The following ANKRD11 variants were observed in gnomAD, a reference collection of about 807,000 sequenced individuals.
The protein encoded by ANKRD11 is ankyrin repeat domain 11, also known as ankyrin repeat domain-containing protein 11.
In ANKRD11, 17 loss-of-function variants were observed where a neutral mutation model predicts 195.7. The observed-to-expected ratio is 0.09, with a 90% CI of 0.06 to 0.13. The LOEUF (loss-of-function observed/expected upper bound fraction) is 0.13. Ranked by LOEUF, ANKRD11 falls within the 10% of genes least tolerant of loss-of-function variation. The pLI is 1.00. For synonymous variants in ANKRD11, 1,953 were observed against 1,528.1 expected, an observed-to-expected ratio of 1.28 and a Z score of -6.49; for missense variants, 3,735 against 3,566.1, an observed-to-expected ratio of 1.05 and a Z score of -1.21.
chr16:89,441,660 G>A (rs544051766), intron 1 of ANKRD11, among the ~76,000 whole-genome samples: 7 of 150,770 alleles, frequency 4.6e-5, no homozygotes, highest in East Asian at 3.9e-4. Flanking sequence ...CCAGCTACTC[G>A]GGAGGCTGAG....
chr16:89,279,581 C>G lies in ANKRD11; in HGVS notation c.6961G>C (p.Ala2321Pro). Residue 2321 changes from alanine to proline, a missense_variant, in exon 9 of 13, where the codon GCC becomes CCC. By Grantham distance (27) the Ala-to-Pro change is conservative. Coordinates refer to ENST00000301030, the MANE Select transcript of ANKRD11 (RefSeq NM_013275.6). The surrounding 1 kb of genome is among the most constrained non-coding windows in gnomAD (Gnocchi z 5.6). Reference sequence around the variant, plus strand: ...ACTCGGGGGGCCTTCGGGGCTTCGGCCGTGGGTTTTGGTTCTGCGGCTTCC... The same window carrying G: ...ACTCGGGGGGCCTTCGGGGCTTCGGGCGTGGGTTTTGGTTCTGCGGCTTCC... ...QPEAAEPKPT[A>P]EAPKAPRVEE... 1 of 1,452,748 alleles carries G rather than the reference C, an allele frequency of 6.9e-7. No individual in the cohort carries two copies. The highest frequency in any genetic ancestry group is 2.5e-5 in the East Asian group (1 of 40,714). 90.0% of individuals were successfully genotyped at this position (1,452,748 alleles called of 1,614,324 possible).
intron 1 of ANKRD11, among the ~76,000 whole-genome samples, chr16:89,430,045 C>T (rs569320892): frequency 6.7e-4 from 88 of 130,408 alleles, no homozygotes; most frequent in African/African-American, 2.5e-3. Context: ...CGTTCTAGTA[C>T]ACAGCAGGGA....
At chr16:89,273,281 T>G (rs894031758) in intron 11 of ANKRD11, among the ~76,000 whole-genome samples, 2 of 152,158 alleles carry the variant, frequency 1.3e-5, no homozygotes, top group Non-Finnish European at 2.9e-5. Context: ...GTCCTCCTCA[T>G]TTTTGCTCTG....
chr16:89,391,917 C>T (rs138926143), intron 2 of ANKRD11, among the ~76,000 whole-genome samples: 19 of 152,298 alleles, frequency 1.2e-4, no homozygotes, highest in African/African-American at 3.9e-4. Context: ...AAATATCTGC[C>T]CTGGCATGCT....
rs544370432 is a variant in ANKRD11 at position 89,332,513 on chromosome 16, G to C, written c.-59-15435C>G. Among the ~76,000 whole-genome samples the C allele has an allele frequency of 4.6e-5, 7 of 152,322 alleles. No individual in the cohort carries two copies. In the South Asian group the frequency reaches 6.2e-4, roughly 14 times the overall value. On this transcript the variant is annotated intron_variant, in intron 2 of 12. Transcript: ENST00000301030. The stretch of plus-strand genomic sequence containing the variant: ...AAGACAAATGCAAGAAAACAGCCTC[G>C]TCTGCTCACTGATTCTCACCAACTT...
At chr16:89,442,301 C>G (rs1278499336) in intron 1 of ANKRD11, among the ~76,000 whole-genome samples, 2 of 152,194 alleles carry the variant, frequency 1.3e-5, no homozygotes, top group African/African-American at 4.8e-5. Flanking sequence ...TAACTCTACA[C>G]TCTCAAAACA....
chr16:89,317,785 T>G lies in ANKRD11; in HGVS notation c.-59-707A>C, dbSNP rs573450029. ...TTTTATTTATTAATCATGTTTTATT[T>G]TAGGAAATTTTGCCATCTTAACAAG... is the stretch of plus-strand genomic sequence containing the variant. On this transcript the variant is annotated intron_variant, in intron 2 of 12. Transcript: ENST00000301030. Among the ~76,000 whole-genome samples the G allele has an allele frequency of 2.6e-5, 4 of 152,188 alleles. No individual in the cohort carries two copies. The East Asian group carries it at 7.7e-4, about 29-fold the overall frequency.
chr16:89,483,312 T>C (rs1474214960), intron 1 of ANKRD11, among the ~76,000 whole-genome samples: 1 of 152,234 alleles, frequency 6.6e-6, no homozygotes, highest in Non-Finnish European at 1.5e-5. Context: ...CATCATCTTC[T>C]TTTAAAAGCC....
intron 1 of ANKRD11, among the ~76,000 whole-genome samples, chr16:89,445,160 T>C (rs1026791534): frequency 1.3e-5 from 2 of 152,262 alleles, no homozygotes; most frequent in Non-Finnish European, 2.9e-5. Context: ...TGTTAACGGC[T>C]GATTTCTTCC....
chr16:89,354,992 A>C (rs1210122160), intron 2 of ANKRD11, among the ~76,000 whole-genome samples: 6 of 152,206 alleles, frequency 3.9e-5, no homozygotes, highest in Non-Finnish European at 4.4e-5. Context: ...GTCCCAGGAA[A>C]TGCACAGATT....
intron 3 of ANKRD11, among the ~76,000 whole-genome samples, chr16:89,314,117 G>C (rs1030793715): frequency 6.6e-6 from 1 of 152,176 alleles, no homozygotes; most frequent in African/African-American, 2.4e-5. Context: ...CCAGCTGCAA[G>C]GGAGGCTGAA....
intron 1 of ANKRD11, among the ~76,000 whole-genome samples, chr16:89,474,833 C>T (rs751611713): frequency 3.3e-5 from 5 of 152,232 alleles, no homozygotes; most frequent in Non-Finnish European, 5.9e-5. Context: ...CACTGCATAA[C>T]ATCCCAAAAC....
chr16:89,427,437 A>G (rs890945580), intron 1 of ANKRD11, among the ~76,000 whole-genome samples: 1 of 152,258 alleles, frequency 6.6e-6, no homozygotes, highest in Non-Finnish European at 1.5e-5. Context: ...AACCTCTTAC[A>G]TACTACAACT....
chr16:89,442,075 A>G (rs549823545), intron 1 of ANKRD11, among the ~76,000 whole-genome samples: 201 of 152,322 alleles, frequency 1.3e-3, no homozygotes, highest in Non-Finnish European at 2.1e-3. Context: ...ATAAACATGA[A>G]TTCATCAGTA....
chr16:89,278,632 G>C (rs1200068231), intron 9 of ANKRD11: 2 of 461,040 alleles, frequency 4.3e-6, no homozygotes, highest in South Asian at 3.1e-5. Context: ...TGGGGGAAGG[G>C]ACTCATCGTG....
intron 2 of ANKRD11, among the ~76,000 whole-genome samples, chr16:89,406,585 A>G (rs1218377120): frequency 6.6e-6 from 1 of 152,196 alleles, no homozygotes; most frequent in Admixed American, 6.5e-5. Flanking sequence ...CCCAGTGCTT[A>G]TGGTCTGGGT....
chr16:89,329,281 G>A lies in ANKRD11; in HGVS notation c.-59-12203C>T, dbSNP rs565599771. Among the ~76,000 whole-genome samples, 40 of 152,314 alleles carry A rather than the reference G, an allele frequency of 2.6e-4. No homozygotes were observed. In the East Asian group the frequency reaches 3.9e-3, roughly 15 times the overall value. On this transcript the variant is annotated intron_variant, in intron 2 of 12. Coordinates refer to ENST00000301030, the MANE Select transcript of ANKRD11 (RefSeq NM_013275.6). Reference sequence around the variant, plus strand: ...GGGATCTGAATCAAGTCTGCAGGGCGGTCACCCTGTCTTCCAATGTCATGT... The same window carrying A: ...GGGATCTGAATCAAGTCTGCAGGGCAGTCACCCTGTCTTCCAATGTCATGT...
chr16:89,320,260 C>T (rs879432740), intron 2 of ANKRD11: 2 of 152,264 alleles, frequency 1.3e-5, no homozygotes, highest in African/African-American at 4.8e-5. Flanking sequence ...CAACAGAAGG[C>T]ACCGGGTCTC....
chr16:89,285,222 T>C lies in ANKRD11; in HGVS notation c.1320A>G (p.Arg440=). 1 of 1,613,822 alleles carries C rather than the reference T, an allele frequency of 6.2e-7. No individual in the cohort carries two copies. The highest frequency in any genetic ancestry group is 8.5e-7 in the Non-Finnish European group (1 of 1,180,032). The change falls in exon 9 of 13, where the codon CGA becomes CGG. Residue 440 remains arginine (R), a synonymous_variant. Coordinates refer to ENST00000301030, the MANE Select transcript of ANKRD11 (RefSeq NM_013275.6). This position sits in a 1 kb window ranked among gnomAD's most constrained non-coding sequence, Gnocchi z 5.6. ...TCTGCTGCTTGGCATTAGAAGGCTC[T>C]CGTGTCTTACTACCAGGCAATATCG... is the stretch of plus-strand genomic sequence containing the variant. ...AHTILPGSKT[R]EPSNAKQQKE... is the part of the protein sequence containing the mutation.
Sources: allele counts gnomAD v4.1 joint callset (sites outside exome capture counted in the v4.1 genomes callset), GRCh38; gene constraint gnomAD v4.1.1; non-coding constraint Gnocchi (gnomAD v3.1); transcripts MANE v1.5; gene names NCBI Gene and HGNC (gene_info 2026-07-23, HGNC 2026-07-21).